The following CTNNA3 variants were observed in gnomAD, a reference collection of about 807,000 sequenced individuals.
CTNNA3 encodes the protein catenin alpha 3, also known as catenin alpha-3.
Under a neutral mutation model 95.7 loss-of-function variants are expected in CTNNA3, and 76 were observed. The observed-to-expected ratio is 0.79, with a 90% CI of 0.66 to 0.96. The LOEUF is 0.96. Among genes scored for constraint, CTNNA3 ranks in the 40% least tolerant of loss-of-function variants. The probability of loss-of-function intolerance (pLI) is 0.00; values close to 1 mark genes in which losing one functional copy is unlikely to be tolerated. For synonymous variants in CTNNA3, 431 were observed against 374.4 expected (o/e 1.15, Z -1.74); for missense variants, 1,191 against 1,089.8 (o/e 1.09, Z -1.31).
At chr10:66,389,136 C>G (rs749252060) in intron 11 of CTNNA3, among the ~76,000 whole-genome samples, 10 of 152,074 alleles carry the variant, frequency 6.6e-5, no homozygotes, top group Non-Finnish European at 1.2e-4. Flanking sequence ...ACTGTTGAAT[C>G]TCTTTAGACT....
rs144977846 is a variant in CTNNA3 at position 66,232,571 on chromosome 10, T to G, written c.1884+47899A>C. On this transcript the variant is annotated intron_variant, in intron 13 of 17. Transcript: ENST00000433211. Reference sequence around the variant, plus strand: ...TTTTCTGTGCAAATTTAAAAAATAATTTTAAAATTTAAGTAGAAAAGATCC... The same window carrying G: ...TTTTCTGTGCAAATTTAAAAAATAAGTTTAAAATTTAAGTAGAAAAGATCC... 4.4e-3 allele frequency among the ~76,000 whole-genome samples: 669 copies of G among 152,142 alleles called. 1 individual carries two copies. Among genetic ancestry groups the G allele is most frequent in the African/African-American group, 0.015 (631 of 41,536 alleles).
chr10:66,453,059 CA>C (rs36016734), intron 11 of CTNNA3, among the ~76,000 whole-genome samples: 56,787 of 150,680 alleles, frequency 0.38, 11,255 homozygotes, highest in African/African-American at 0.5. Flanking sequence ...ACTAAAAATA[CA>C]AAAAAAAATT....
chr10:65,966,766 A>T lies in CTNNA3; in HGVS notation c.2266-20T>A. 5 of 1,579,784 alleles carry T rather than the reference A, an allele frequency of 3.2e-6. No homozygotes were observed. The highest frequency in any genetic ancestry group is 4.3e-6 in the Non-Finnish European group (5 of 1,152,520). Reference sequence around the variant, plus strand: ...TGGGCACTAAATATGAATCAAAGATAAAAATAGATACAGCAGAATAAATAA... The same window carrying T: ...TGGGCACTAAATATGAATCAAAGATTAAAATAGATACAGCAGAATAAATAA... On this transcript the variant is annotated intron_variant, in intron 16 of 17. Coordinates refer to ENST00000433211, the MANE Select transcript of CTNNA3 (RefSeq NM_013266.4).
intron 7 of CTNNA3, among the ~76,000 whole-genome samples, chr10:67,058,344 T>G (rs956376798): frequency 1.3e-5 from 2 of 152,250 alleles, no homozygotes; most frequent in African/African-American, 4.8e-5. Context: ...CATATTGTTT[T>G]ATGTATTACA....
At chr10:67,173,740 T>G (rs958996788) in intron 7 of CTNNA3, among the ~76,000 whole-genome samples, 1 of 152,232 alleles carries the variant, frequency 6.6e-6, no homozygotes, top group Non-Finnish European at 1.5e-5. Context: ...GACCTAGTTT[T>G]ATTTTATGTA....
chr10:67,541,673 G>C (rs1260004914), intron 3 of CTNNA3, among the ~76,000 whole-genome samples: 1 of 152,018 alleles, frequency 6.6e-6, no homozygotes, highest in Non-Finnish European at 1.5e-5. Flanking sequence ...TTTAAACATG[G>C]AAAGCACTCA....
intron 2 of CTNNA3, among the ~76,000 whole-genome samples, chr10:67,622,425 T>C (rs1843877725): frequency 6.6e-6 from 1 of 152,202 alleles, no homozygotes; most frequent in Admixed American, 6.5e-5. Context: ...CAGAGTGAAC[T>C]GGGGTTGGTT....
At chr10:66,519,014 A>C (rs926830379) in intron 11 of CTNNA3, among the ~76,000 whole-genome samples, 64 of 152,252 alleles carry the variant, frequency 4.2e-4, no homozygotes, top group African/African-American at 1.5e-3. Context: ...ACTGGAACAA[A>C]TCAGGTAACT....
intron 16 of CTNNA3, among the ~76,000 whole-genome samples, chr10:65,980,449 A>G (rs1407202416): frequency 6.6e-6 from 1 of 151,934 alleles, no homozygotes; most frequent in Non-Finnish European, 1.5e-5. Flanking sequence ...TCCACAGGAT[A>G]GAGAAAGAGG....
chr10:67,150,681 G>A (rs1253130679), intron 7 of CTNNA3, among the ~76,000 whole-genome samples: 1 of 152,116 alleles, frequency 6.6e-6, no homozygotes, highest in Non-Finnish European at 1.5e-5. Context: ...TTTCAATGAT[G>A]CTGTATAATA....
At chr10:66,298,737 T>C (rs2091819259) in intron 12 of CTNNA3, among the ~76,000 whole-genome samples, 4 of 152,114 alleles carry the variant, frequency 2.6e-5, no homozygotes, top group Admixed American at 2.6e-4. Flanking sequence ...GCCAAAAAGA[T>C]TGTCTTTCCT....
intron 1 of CTNNA3, among the ~76,000 whole-genome samples, chr10:67,703,996 A>G (rs1471211067): frequency 6.6e-6 from 1 of 152,198 alleles, no homozygotes; most frequent in Admixed American, 6.5e-5. Flanking sequence ...ACAAACAGAG[A>G]GCCAAATCAT....
chr10:66,661,595 C>T (rs564287903), intron 9 of CTNNA3, among the ~76,000 whole-genome samples: 4 of 152,190 alleles, frequency 2.6e-5, no homozygotes, highest in African/African-American at 9.6e-5. Context: ...GCATTGATCT[C>T]TACTCTCATA....
intron 7 of CTNNA3, among the ~76,000 whole-genome samples, chr10:66,857,138 C>G (rs1843713209): frequency 1.3e-5 from 2 of 152,092 alleles, no homozygotes; most frequent in Admixed American, 6.6e-5. Context: ...GCCAGTTATT[C>G]TAGCACAATT....
intron 13 of CTNNA3, among the ~76,000 whole-genome samples, chr10:66,198,745 T>C (rs1028123437): frequency 1.3e-5 from 2 of 152,154 alleles, no homozygotes; most frequent in Admixed American, 1.3e-4. Flanking sequence ...TATCCAAAAA[T>C]GTATAGCATA....
At chr10:67,310,729 C>T (rs1048015527) in intron 5 of CTNNA3, among the ~76,000 whole-genome samples, 2 of 152,106 alleles carry the variant, frequency 1.3e-5, no homozygotes, top group Admixed American at 1.3e-4. Flanking sequence ...CCTTATAAAA[C>T]CATCAATCTT....
intron 7 of CTNNA3, chr10:66,925,898 A>C (rs1332957678): frequency 2.4e-6 from 1 of 408,470 alleles, no homozygotes; most frequent in East Asian, 7.3e-5. Context: ...CTACTGAGCC[A>C]CCCAAAAGAA....
chr10:66,219,665 G>A (rs748465412), intron 13 of CTNNA3, among the ~76,000 whole-genome samples: 8 of 151,354 alleles, frequency 5.3e-5, no homozygotes, highest in Non-Finnish European at 2.9e-5. Flanking sequence ...CCAACACCTC[G>A]ATTGAAACCT....
At chr10:66,131,810 C>T (rs1415059261) in intron 13 of CTNNA3, among the ~76,000 whole-genome samples, 1 of 152,094 alleles carries the variant, frequency 6.6e-6, no homozygotes, top group East Asian at 1.9e-4. Context: ...GAAAGGACTC[C>T]CTATTCAATA....
Sources: gnomAD v4.1 joint callset for allele counts (sites outside exome capture counted in the v4.1 genomes callset) on GRCh38, gnomAD v4.1.1 for gene constraint, MANE v1.5 for transcripts, NCBI Gene and HGNC (gene_info 2026-07-23, HGNC 2026-07-21) for gene names.